The following GON4L variants were observed in gnomAD, a reference collection of about 807,000 sequenced individuals.
The protein encoded by GON4L is GON-4-like protein.
In GON4L, 87 loss-of-function variants were observed where a neutral mutation model predicts 211.8. That is an observed-to-expected ratio of 0.41 (90% CI 0.35 to 0.49). The LOEUF is 0.49. GON4L is among the 20% of genes least tolerant of loss of function. GON4L has a pLI of 0.15. For missense variants in GON4L, 2,155 were observed against 2,659.5 expected (o/e 0.81, Z 4.17); for synonymous variants, 875 against 962.6 (o/e 0.91, Z 1.68).
chr1:155,857,602 G>T (rs1017188050), upstream of GON4L, among the ~76,000 whole-genome samples: 3 of 152,148 alleles, frequency 2.0e-5, no homozygotes, highest in African/African-American at 7.2e-5. Context: ...GGTGGCGCAC[G>T]CCTGTAATCC....
intron 6 of GON4L, among the ~76,000 whole-genome samples, chr1:155,817,980 T>C (rs1183550916): frequency 6.6e-6 from 1 of 151,692 alleles, no homozygotes; most frequent in East Asian, 1.9e-4. Flanking sequence ...ATTTTAATAC[T>C]TGCTCTCCTA....
intron 16 of GON4L, 124 bp from the exon 17 acceptor site, chr1:155,775,297 A>G (rs1197747973): frequency 3.2e-6 from 4 of 1,269,380 alleles, no homozygotes; most frequent in African/African-American, 1.5e-5. Flanking sequence ...AAATCATCAT[A>G]AAGTCTTTCA....
intron 6 of GON4L, among the ~76,000 whole-genome samples, chr1:155,818,193 C>T (rs1571850617): frequency 6.6e-6 from 1 of 151,960 alleles, no homozygotes; most frequent in East Asian, 1.9e-4. Context: ...ATGGTCTCCG[C>T]TCACTGCAAC....
rs1267373729 is a variant in GON4L, at chr1:155,765,870, G to C, written c.3603C>G (p.Ser1201=). 14 of 1,614,190 alleles carry C rather than the reference G, an allele frequency of 8.7e-6. No individual in the cohort carries two copies. Among genetic ancestry groups the C allele is most frequent in the Non-Finnish European group, 1.2e-5 (14 of 1,180,040 alleles). ...CAGAAACAATTAAGGGTGAGACAGA[G>C]GAGGCCACAAGGGACTGGTTCAATG... ...PCPLNQSLVA[S]SVSPLIVSGN... is the part of the protein sequence containing the mutation. The change falls in exon 21 of 32, where the codon TCC becomes TCG. Residue 1201 remains serine, a synonymous_variant. Transcript: ENST00000368331.
intron 10 of GON4L, among the ~76,000 whole-genome samples, chr1:155,812,907 A>C (rs546196935): frequency 5.8e-4 from 88 of 152,314 alleles, no homozygotes; most frequent in African/African-American, 2.0e-3. Context: ...ACAAGATAAT[A>C]AACTCATTTT....
chr1:155,851,259 CAGG>C (rs2102492213), intron 2 of GON4L, among the ~76,000 whole-genome samples: 1 of 149,432 alleles, frequency 6.7e-6, no homozygotes. Flanking sequence ...GAGGCTGAGG[CAGG>C]AGAATGGCAT....
chr1:155,771,298 TCTAC>T, intron 18 of GON4L, 81 bp from the exon 19 acceptor site: 3 of 1,584,648 alleles, frequency 1.9e-6, no homozygotes, highest in Non-Finnish European at 2.6e-6. Flanking sequence ...CATTTTACAA[TCTAC>T]TCTTTCATTT....
rs960547731 is a variant in GON4L, at chr1:155,766,326, T to C, written c.3147A>G (p.Leu1049=). The C allele has an allele frequency of 1.2e-6, 2 of 1,614,106 alleles. No homozygotes were observed. The highest frequency in any genetic ancestry group is 3.3e-5 in the Admixed American group (2 of 59,994). Residue 1049 remains leucine (L), a synonymous_variant, in exon 21 of 32, where the codon TTA becomes TTG. Transcript: ENST00000368331. ...IPHPIQPATV[L]QTVPGVPPLG... Reference sequence around the variant, plus strand: ...GTGGAGGGACACCTGGAACTGTCTGTAAAACAGTGGCTGGCTGTATTGGGT... The same window carrying C: ...GTGGAGGGACACCTGGAACTGTCTGCAAAACAGTGGCTGGCTGTATTGGGT...
intron 16 of GON4L, among the ~76,000 whole-genome samples, chr1:155,775,414 A>G (rs1273664605): frequency 3.3e-5 from 5 of 151,962 alleles, no homozygotes; most frequent in South Asian, 4.1e-4. Flanking sequence ...TATATGGTCT[A>G]GCTCCTGAAC....
intron 23 of GON4L, among the ~76,000 whole-genome samples, chr1:155,760,925 C>T (rs1661719305): frequency 6.6e-6 from 1 of 152,208 alleles, no homozygotes; most frequent in Non-Finnish European, 1.5e-5. Flanking sequence ...CAGCCCTAAC[C>T]TTTCCTTACT....
intron 14 of GON4L, among the ~76,000 whole-genome samples, chr1:155,778,844 A>G (rs936924425): frequency 4.6e-5 from 7 of 151,970 alleles, no homozygotes; most frequent in Non-Finnish European, 1.0e-4. Flanking sequence ...TGATGGCTTC[A>G]CCTCCATCCA....
chr1:155,803,963 C>A (rs1666915608), intron 11 of GON4L, among the ~76,000 whole-genome samples: 1 of 152,190 alleles, frequency 6.6e-6, no homozygotes, highest in South Asian at 2.1e-4. Context: ...TACTACACTT[C>A]CCAAAGTCTG....
chr1:155,830,402 C>T (rs1192749742), intron 2 of GON4L, among the ~76,000 whole-genome samples: 2 of 151,590 alleles, frequency 1.3e-5, no homozygotes, highest in African/African-American at 4.9e-5. Flanking sequence ...CTCAGCCTCC[C>T]GAGTGGCTGG....
At chr1:155,747,012 C>T (rs1033682046), downstream of GON4L, 15 of 1,594,056 alleles carry the variant, frequency 9.4e-6, no homozygotes, top group African/African-American at 4.3e-5. Flanking sequence ...CTAAGGACTG[C>T]GACTCGGTGA....
intron 10 of GON4L, among the ~76,000 whole-genome samples, chr1:155,812,796 A>T (rs1480535599): frequency 6.6e-6 from 1 of 152,076 alleles, no homozygotes; most frequent in Non-Finnish European, 1.5e-5. Context: ...ACCTCAAGTG[A>T]TCCACCAACC....
intron 23 of GON4L, 25 bp downstream of exon 23, chr1:155,762,165 A>G (rs1222151237): frequency 5.1e-6 from 8 of 1,573,044 alleles, no homozygotes; most frequent in Non-Finnish European, 6.9e-6. Flanking sequence ...GAGACTGGCA[A>G]TAACAGGAAG....
At chr1:155,799,311 G>A (rs907927326) in intron 11 of GON4L, among the ~76,000 whole-genome samples, 14 of 152,328 alleles carry the variant, frequency 9.2e-5, no homozygotes, top group Admixed American at 7.8e-4. Context: ...GCATGTGCCT[G>A]TAATCCTAGC....
At chr1:155,858,512 T>C (rs1672443574), upstream of GON4L, among the ~76,000 whole-genome samples, 1 of 152,202 alleles carries the variant, frequency 6.6e-6, no homozygotes, top group South Asian at 2.1e-4. Context: ...GTTTCATGTG[T>C]GTTGTTCTTT....
chr1:155,753,697 TAGAC>T (rs756969511), intron 28 of GON4L, among the ~76,000 whole-genome samples: 3 of 151,966 alleles, frequency 2.0e-5, no homozygotes, highest in Non-Finnish European at 2.9e-5. Flanking sequence ...AAAGAAAAGA[TAGAC>T]AGAGACAGGG....
Sources: allele counts gnomAD v4.1 joint callset (sites outside exome capture counted in the v4.1 genomes callset), GRCh38; gene constraint gnomAD v4.1.1; transcripts MANE v1.5; gene names NCBI Gene and HGNC (gene_info 2026-07-23, HGNC 2026-07-21).